Variants in PTPN2 observed in about 807,000 individuals in gnomAD.
PTPN2 encodes tyrosine-protein phosphatase non-receptor type 2.
In PTPN2, 19 loss-of-function variants were observed where a neutral mutation model predicts 57.3. The ratio of observed to expected loss-of-function variants is 0.33; its 90% CI spans 0.23 to 0.49. The LOEUF (loss-of-function observed/expected upper bound fraction) is 0.49, where lower values mean the gene tolerates loss of function less well. Ranked by LOEUF, PTPN2 falls within the 20% of genes least tolerant of loss-of-function variation. PTPN2 has a pLI of 0.99. For missense variants in PTPN2, 358 were observed against 501.1 expected, an observed-to-expected ratio of 0.71 and a Z score of 2.73; for synonymous variants, 153 against 164.9, an observed-to-expected ratio of 0.93 and a Z score of 0.55.
chr18:12,838,126 C>T (rs2042928889), intron 2 of PTPN2, among the ~76,000 whole-genome samples: 2 of 152,056 alleles, frequency 1.3e-5, no homozygotes, highest in South Asian at 4.1e-4. Flanking sequence ...AAAAGAAAGC[C>T]TGGTTTTAGA....
chr18:12,819,244 T>C (rs1318718148), intron 5 of PTPN2: 1 of 1,457,500 alleles, frequency 6.9e-7, no homozygotes, highest in South Asian at 1.3e-5. Flanking sequence ...CCAGCATTAA[T>C]AATTTCAAAT....
At chr18:12,799,067 T>G (rs1390915818) in intron 8 of PTPN2, among the ~76,000 whole-genome samples, 1 of 152,208 alleles carries the variant, frequency 6.6e-6, no homozygotes, top group Non-Finnish European at 1.5e-5. Context: ...ATGAATATCC[T>G]CCAAATGAAT....
At chr18:12,840,387 A>ATTAATGGAGAATACAAAC (rs1408080718) in intron 2 of PTPN2, among the ~76,000 whole-genome samples, 1 of 152,262 alleles carries the variant, frequency 6.6e-6, no homozygotes, top group East Asian at 1.9e-4. Context: ...ACTCCCCCAT[A>ATTAATGGAGAATACAAAC]TTAATGGAGA....
chr18:12,834,832 G>T (rs1321455635), intron 3 of PTPN2, among the ~76,000 whole-genome samples: 4 of 152,170 alleles, frequency 2.6e-5, no homozygotes, highest in Non-Finnish European at 5.9e-5. Flanking sequence ...GGGAGAAAGG[G>T]TTGTGATAAG....
At chr18:12,797,916 A>G (rs1182872572) in intron 8 of PTPN2, among the ~76,000 whole-genome samples, 1 of 152,096 alleles carries the variant, frequency 6.6e-6, no homozygotes, top group East Asian at 1.9e-4. Flanking sequence ...TTGTAGAGAC[A>G]GGGTTTGCCA....
At chr18:12,851,188 A>C in intron 2 of PTPN2, among the ~76,000 whole-genome samples, 1 of 58,884 alleles carries the variant, frequency 1.7e-5, no homozygotes, top group South Asian at 6.8e-4. Context: ...AAGGTTAATA[A>C]TATTATATAG....
At chr18:12,854,827 GAA>G (rs768756969) in intron 2 of PTPN2, among the ~76,000 whole-genome samples, 56 of 152,218 alleles carry the variant, frequency 3.7e-4, no homozygotes, top group Non-Finnish European at 5.0e-4. Context: ...GGCCAAAGAG[GAA>G]AATCAGAAAA....
intron 2 of PTPN2, among the ~76,000 whole-genome samples, chr18:12,849,573 A>ATAAG (rs1398656529): frequency 6.6e-6 from 1 of 151,742 alleles, no homozygotes; most frequent in African/African-American, 2.4e-5. Context: ...AAATAAATAA[A>ATAAG]TAAAAAATAA....
intron 5 of PTPN2, among the ~76,000 whole-genome samples, chr18:12,820,109 T>A (rs971692708): frequency 6.6e-6 from 1 of 151,886 alleles, no homozygotes; most frequent in African/African-American, 2.4e-5. Context: ...TTTGCTTGTA[T>A]GATTTTGGCT....
chr18:12,812,338 C>T (rs1338033195), intron 7 of PTPN2, among the ~76,000 whole-genome samples: 5 of 152,208 alleles, frequency 3.3e-5, no homozygotes, highest in Non-Finnish European at 7.3e-5. Flanking sequence ...CGGTGGCTCA[C>T]GCCTGTAATC....
At chr18:12,801,125 A>T (rs918377685) in intron 8 of PTPN2, among the ~76,000 whole-genome samples, 3 of 152,222 alleles carry the variant, frequency 2.0e-5, no homozygotes, top group Non-Finnish European at 4.4e-5. Context: ...ATTGTTTTAA[A>T]GGATTTTTGA....
intron 6 of PTPN2, among the ~76,000 whole-genome samples, chr18:12,815,021 T>C (rs2042018696): frequency 6.6e-6 from 1 of 151,562 alleles, no homozygotes; most frequent in Non-Finnish European, 1.5e-5. Flanking sequence ...GAGGCGGCGG[T>C]TGCAGTGAGG....
intron 2 of PTPN2, among the ~76,000 whole-genome samples, chr18:12,844,592 A>G (rs1158967849): frequency 2.6e-5 from 4 of 151,974 alleles, no homozygotes; most frequent in Admixed American, 2.6e-4. Flanking sequence ...CCATTTCCTA[A>G]CTGGGGTTTT....
At chr18:12,802,457 T>G (rs150406944) in intron 7 of PTPN2, among the ~76,000 whole-genome samples, 60 of 152,286 alleles carry the variant, frequency 3.9e-4, no homozygotes, top group African/African-American at 1.3e-3. Flanking sequence ...GGGACCACAC[T>G]CAACTATTAG....
chr18:12,809,582 G>A (rs903792092), intron 7 of PTPN2, among the ~76,000 whole-genome samples: 2 of 152,196 alleles, frequency 1.3e-5, no homozygotes, highest in African/African-American at 2.4e-5. Context: ...GACTTGGTAT[G>A]GACAGGGATG....
At chr18:12,807,586 A>AAAAAATATATATATATATATATATAT in intron 7 of PTPN2, among the ~76,000 whole-genome samples, 1 of 35,196 alleles carries the variant, frequency 2.8e-5, no homozygotes, top group African/African-American at 7.0e-5. Context: ...AAAAAAAAAA[A>AAAAAATATATATATATATATATATAT]ATATATATAT....
chr18:12,850,374 A>G (rs536944860), intron 2 of PTPN2, among the ~76,000 whole-genome samples: 2 of 152,164 alleles, frequency 1.3e-5, no homozygotes, highest in African/African-American at 4.8e-5. Flanking sequence ...CTGTACTCCC[A>G]GCTACTCGAG....
chr18:12,830,362 A>G (rs1283366130), intron 4 of PTPN2, among the ~76,000 whole-genome samples: 1 of 152,048 alleles, frequency 6.6e-6, no homozygotes, highest in Non-Finnish European at 1.5e-5. Flanking sequence ...CAAACTCCTG[A>G]CCTCAAGTGA....
chr18:12,842,665 G>A (rs529717984), intron 2 of PTPN2, among the ~76,000 whole-genome samples: 35 of 152,338 alleles, frequency 2.3e-4, no homozygotes, highest in South Asian at 1.2e-3. Flanking sequence ...GAGCCACGGG[G>A]ACAAAGCGGA....
Sources: gnomAD v4.1 joint callset for allele counts (sites outside exome capture counted in the v4.1 genomes callset) on GRCh38, gnomAD v4.1.1 for gene constraint, MANE v1.5 for transcripts, NCBI Gene and HGNC (gene_info 2026-07-23, HGNC 2026-07-21) for gene names.